Variants in SHTN1 observed in about 807,000 individuals in gnomAD.
The protein encoded by SHTN1 is shootin-1.
In SHTN1, 42 loss-of-function variants were observed where a neutral mutation model predicts 83.1. The ratio of observed to expected loss-of-function variants is 0.51; its 90% confidence interval spans 0.39 to 0.65. The LOEUF (loss-of-function observed/expected upper bound fraction) is 0.65, where lower values mean the gene tolerates loss of function less well. Ranked by LOEUF, SHTN1 falls within the 30% of genes least tolerant of loss-of-function variation. The pLI, the probability that SHTN1 is intolerant of heterozygous loss-of-function variation, is 0.00. For synonymous variants in SHTN1, 224 were observed against 247.7 expected (o/e 0.90, Z 0.90); for missense variants, 622 against 737.8 (o/e 0.84, Z 1.82).
intron 1 of SHTN1, among the ~76,000 whole-genome samples, chr10:117,058,396 T>C (rs573038104): frequency 6.6e-6 from 1 of 152,108 alleles, no homozygotes; most frequent in East Asian, 1.9e-4. Flanking sequence ...AAAGAAGATA[T>C]ACAAATTGCC....
chr10:116,913,907 C>T (rs1442657755), intron 13 of SHTN1, among the ~76,000 whole-genome samples: 1 of 152,206 alleles, frequency 6.6e-6, no homozygotes, highest in Non-Finnish European at 1.5e-5. Context: ...GACACCAGCA[C>T]TGGGCCAGCT....
chr10:117,045,544 C>A (rs1852648743), intron 2 of SHTN1, among the ~76,000 whole-genome samples: 1 of 152,108 alleles, frequency 6.6e-6, no homozygotes, highest in Admixed American at 6.5e-5. Context: ...TCAGGAAAGC[C>A]CATATACAAC....
chr10:117,066,155 T>C (rs550851099), intron 1 of SHTN1, among the ~76,000 whole-genome samples: 2 of 152,300 alleles, frequency 1.3e-5, no homozygotes, highest in East Asian at 3.9e-4. Context: ...TAACAGGACC[T>C]ATGGAGTTCT....
intron 3 of SHTN1, among the ~76,000 whole-genome samples, chr10:116,968,350 AC>A (rs1850475474): frequency 6.6e-6 from 1 of 152,260 alleles, no homozygotes; most frequent in African/African-American, 2.4e-5. Context: ...ATTATAAAGT[AC>A]TAGCACTGGC....
chr10:117,056,829 A>G (rs764870620), intron 1 of SHTN1, among the ~76,000 whole-genome samples: 2 of 152,162 alleles, frequency 1.3e-5, no homozygotes, highest in Non-Finnish European at 2.9e-5. Context: ...CAAACAAACA[A>G]AACAAAATAA....
intron 1 of SHTN1, among the ~76,000 whole-genome samples, chr10:117,001,237 T>C (rs1281241255): frequency 6.6e-6 from 1 of 151,832 alleles, no homozygotes; most frequent in Non-Finnish European, 1.5e-5. Flanking sequence ...AATCACACAC[T>C]GGCTAATTTT....
At chr10:116,889,046 A>G (rs1009384826) in intron 16 of SHTN1, among the ~76,000 whole-genome samples, 1 of 152,246 alleles carries the variant, frequency 6.6e-6, no homozygotes, top group African/African-American at 2.4e-5. Context: ...CAAAGGAGGT[A>G]GTATTTCTCT....
At chr10:117,122,761 C>CA (rs1853950145) in intron 1 of SHTN1, among the ~76,000 whole-genome samples, 2 of 152,144 alleles carry the variant, frequency 1.3e-5, no homozygotes, top group African/African-American at 4.8e-5. Flanking sequence ...ACAGCAATTC[C>CA]AACAGTAAAA....
chr10:117,103,420 A>G (rs1006452130), intron 1 of SHTN1, among the ~76,000 whole-genome samples: 1 of 151,958 alleles, frequency 6.6e-6, no homozygotes, highest in Non-Finnish European at 1.5e-5. Context: ...TGACAGAAAC[A>G]GAATGTAACA....
chr10:117,084,745 G>GT (rs1853323371), intron 1 of SHTN1, among the ~76,000 whole-genome samples: 2 of 152,032 alleles, frequency 1.3e-5, no homozygotes, highest in South Asian at 4.2e-4. Context: ...GTGGTGCGCC[G>GT]TTTTTTAAGC....
At chr10:116,978,937 C>G (rs989574437) in intron 2 of SHTN1, among the ~76,000 whole-genome samples, 3 of 152,200 alleles carry the variant, frequency 2.0e-5, no homozygotes, top group East Asian at 1.9e-4. Context: ...ATTCCACTGA[C>G]AGAATCCCAA....
At chr10:116,994,791 G>T (rs1481730803) in intron 1 of SHTN1, among the ~76,000 whole-genome samples, 1 of 152,028 alleles carries the variant, frequency 6.6e-6, no homozygotes, top group Non-Finnish European at 1.5e-5. Context: ...AAATCAAATT[G>T]TAAATGATGT....
At chr10:117,085,458 T>G (rs1003260682) in intron 1 of SHTN1, among the ~76,000 whole-genome samples, 11 of 152,230 alleles carry the variant, frequency 7.2e-5, no homozygotes, top group Non-Finnish European at 1.3e-4. Context: ...TCCAGCTATC[T>G]TTATTACCGA....
intron 1 of SHTN1, among the ~76,000 whole-genome samples, chr10:116,979,838 T>C: frequency 6.6e-6 from 1 of 152,228 alleles, no homozygotes; most frequent in Non-Finnish European, 1.5e-5. Flanking sequence ...CTGTAGAAAG[T>C]AGAGTAGGTT....
intron 16 of SHTN1, among the ~76,000 whole-genome samples, chr10:116,890,165 ATTTT>A (rs5788198): frequency 0.99 from 151,241 of 152,258 alleles, 75,122 homozygotes; most frequent in Middle Eastern, 1. Flanking sequence ...ATTCTGTTCA[ATTTT>A]TTTTTCTACT....
chr10:117,055,403 G>A (rs1852813615), intron 1 of SHTN1, among the ~76,000 whole-genome samples: 1 of 152,156 alleles, frequency 6.6e-6, no homozygotes, highest in Admixed American at 6.5e-5. Flanking sequence ...ATATTCTACA[G>A]ACTTTGGTTT....
chr10:117,117,320 A>C (rs930328550), intron 1 of SHTN1, among the ~76,000 whole-genome samples: 2 of 152,212 alleles, frequency 1.3e-5, no homozygotes. Flanking sequence ...AGCAACAAAG[A>C]ACATAAAATA....
intron 1 of SHTN1, among the ~76,000 whole-genome samples, chr10:117,052,267 AG>A (rs1158838116): frequency 6.6e-6 from 1 of 151,904 alleles, no homozygotes; most frequent in Admixed American, 6.6e-5. Context: ...CATTACTAAA[AG>A]AAAATTTTAA....
At chr10:117,093,390 A>C in intron 1 of SHTN1, among the ~76,000 whole-genome samples, 1 of 145,526 alleles carries the variant, frequency 6.9e-6, no homozygotes. Flanking sequence ...ACTTGAAATG[A>C]AAAAAAAAGC....
Sources: allele counts gnomAD v4.1 joint callset (sites outside exome capture counted in the v4.1 genomes callset), GRCh38; gene constraint gnomAD v4.1.1; transcripts MANE v1.5; gene names NCBI Gene and HGNC (gene_info 2026-07-23, HGNC 2026-07-21).